The following ZNF407 variants were observed in gnomAD, a reference collection of about 807,000 sequenced individuals.
The protein encoded by ZNF407 is zinc finger protein 407.
A neutral mutation model predicts 131.2 loss-of-function variants in ZNF407; 17 were observed. The ratio of observed to expected loss-of-function variants is 0.13; its 90% confidence interval spans 0.09 to 0.19. The LOEUF is 0.19. Ranked by LOEUF, ZNF407 falls within the 10% of genes least tolerant of loss-of-function variation. The pLI is 1.00. For synonymous variants in ZNF407, 1,156 were observed against 1,062.0 expected (o/e 1.09, Z -1.72); for missense variants, 2,681 against 2,830.6 (o/e 0.95, Z 1.20).
chr18:74,858,612 C>T (rs1970892797), intron 4 of ZNF407, among the ~76,000 whole-genome samples: 2 of 152,160 alleles, frequency 1.3e-5, no homozygotes, highest in Admixed American at 6.5e-5. Context: ...CATCACTTCT[C>T]GAGGCTTGCA....
At chr18:74,641,681 C>T (rs1984726605) in intron 3 of ZNF407, among the ~76,000 whole-genome samples, 1 of 152,034 alleles carries the variant, frequency 6.6e-6, no homozygotes, top group African/African-American at 2.4e-5. Context: ...ATGGTTCTTT[C>T]TCTGAAGAAT....
At chr18:75,033,588 G>A (rs143553250) in intron 8 of ZNF407, among the ~76,000 whole-genome samples, 54 of 152,298 alleles carry the variant, frequency 3.5e-4, no homozygotes, top group African/African-American at 1.3e-3. Flanking sequence ...GATAAAAAGA[G>A]GCCAAAGCAG....
intron 8 of ZNF407, among the ~76,000 whole-genome samples, chr18:74,925,826 C>T (rs1009066804): frequency 6.6e-6 from 1 of 152,226 alleles, no homozygotes. Flanking sequence ...TCCATGCTGA[C>T]TCACTCCTAT....
chr18:75,022,764 C>T (rs973365823), intron 8 of ZNF407, among the ~76,000 whole-genome samples: 1 of 152,118 alleles, frequency 6.6e-6, no homozygotes, highest in African/African-American at 2.4e-5. Flanking sequence ...CTGTGGAAGA[C>T]AGTGTGGTGA....
chr18:74,914,949 G>A (rs1455744163), intron 7 of ZNF407, among the ~76,000 whole-genome samples: 1 of 152,180 alleles, frequency 6.6e-6, no homozygotes, highest in East Asian at 1.9e-4. Flanking sequence ...ATTACAGATG[G>A]AAAAACTGTG....
At chr18:75,012,212 T>C (rs1972982248) in intron 8 of ZNF407, among the ~76,000 whole-genome samples, 1 of 152,116 alleles carries the variant, frequency 6.6e-6, no homozygotes, top group Non-Finnish European at 1.5e-5. Context: ...CCGACACTTT[T>C]TGAGTTAGCT....
chr18:74,611,926 C>A (rs1983075221), intron 1 of ZNF407, among the ~76,000 whole-genome samples: 3 of 152,108 alleles, frequency 2.0e-5, no homozygotes, highest in Non-Finnish European at 4.4e-5. Flanking sequence ...GCATGAGTGC[C>A]TGGAGACATG....
At chr18:74,948,206 T>TAC (rs1972175273) in intron 8 of ZNF407, among the ~76,000 whole-genome samples, 1 of 152,230 alleles carries the variant, frequency 6.6e-6, no homozygotes, top group Non-Finnish European at 1.5e-5. Context: ...TCATCCTTTG[T>TAC]ACAGCGATTG....
At chr18:74,971,234 TG>T (rs549523627) in intron 8 of ZNF407, among the ~76,000 whole-genome samples, 236 of 152,334 alleles carry the variant, frequency 1.5e-3, no homozygotes, top group Non-Finnish European at 2.6e-3. Context: ...TGACATGGCC[TG>T]GAGACATTTT....
intron 3 of ZNF407, among the ~76,000 whole-genome samples, chr18:74,749,716 T>C (rs1186383662): frequency 6.6e-6 from 1 of 152,192 alleles, no homozygotes; most frequent in African/African-American, 2.4e-5. Context: ...AAAAATAATA[T>C]ATGTGTCTGT....
At chr18:74,880,274 A>C (rs1216258224) in intron 5 of ZNF407, among the ~76,000 whole-genome samples, 1 of 118,026 alleles carries the variant, frequency 8.5e-6, no homozygotes, top group Non-Finnish European at 1.9e-5. Context: ...GAAAATGCTT[A>C]AAAAAATGAG....
chr18:75,003,232 G>A (rs1972868925), intron 8 of ZNF407, among the ~76,000 whole-genome samples: 1 of 152,174 alleles, frequency 6.6e-6, no homozygotes. Flanking sequence ...AATGTGTTTG[G>A]TTTTATTTCT....
chr18:74,768,687 A>G (rs148498666), intron 3 of ZNF407, among the ~76,000 whole-genome samples: 61 of 152,306 alleles, frequency 4.0e-4, no homozygotes, highest in African/African-American at 1.4e-3. Flanking sequence ...CCGTTGTTAT[A>G]TTCCAGTAGG....
At chr18:74,983,887 C>T (rs1018249892) in intron 8 of ZNF407, among the ~76,000 whole-genome samples, 1 of 152,204 alleles carries the variant, frequency 6.6e-6, no homozygotes, top group Non-Finnish European at 1.5e-5. Flanking sequence ...GCAGCTCAGC[C>T]TGTAGCTACT....
At chr18:74,645,800 C>G (rs17055306) in intron 3 of ZNF407, among the ~76,000 whole-genome samples, 2,442 of 152,128 alleles carry the variant, frequency 0.016, 70 homozygotes, top group African/African-American at 0.056. Context: ...AATGTCTGTA[C>G]TAGGCAATTA....
intron 4 of ZNF407, among the ~76,000 whole-genome samples, chr18:74,837,520 TATTC>T (rs754817170): frequency 6.6e-6 from 1 of 152,348 alleles, no homozygotes; most frequent in Non-Finnish European, 1.5e-5. Flanking sequence ...CTTCTAATAT[TATTC>T]ATCAGGATGC....
At chr18:75,049,989 A>G (rs561165991) in intron 8 of ZNF407, among the ~76,000 whole-genome samples, 1 of 152,318 alleles carries the variant, frequency 6.6e-6, no homozygotes, top group African/African-American at 2.4e-5. Context: ...TTTCTGTCAT[A>G]CTTTGGGCAA....
intron 1 of ZNF407, among the ~76,000 whole-genome samples, chr18:74,629,679 C>A (rs776444268): frequency 2.0e-5 from 3 of 152,050 alleles, no homozygotes; most frequent in Non-Finnish European, 2.9e-5. Context: ...GATTTGTCAA[C>A]GTTATGGAAA....
At chr18:74,737,135 A>G (rs1035608192) in intron 3 of ZNF407, among the ~76,000 whole-genome samples, 9 of 152,218 alleles carry the variant, frequency 5.9e-5, no homozygotes, top group African/African-American at 2.2e-4. Flanking sequence ...GCTTTTTAAA[A>G]TATCATTGCT....
Sources: gnomAD v4.1 joint callset for allele counts (sites outside exome capture counted in the v4.1 genomes callset) on GRCh38, gnomAD v4.1.1 for gene constraint, MANE v1.5 for transcripts, NCBI Gene and HGNC (gene_info 2026-07-23, HGNC 2026-07-21) for gene names.